The following SDK1 variants were observed in gnomAD, a reference collection of about 807,000 sequenced individuals.
SDK1 encodes sidekick cell adhesion molecule 1.
In SDK1, 157 loss-of-function variants were observed where a neutral mutation model predicts 245.5. That is an observed-to-expected ratio of 0.64 (90% CI 0.56 to 0.73). The LOEUF is 0.73. Among genes scored for constraint, SDK1 ranks in the 30% least tolerant of loss-of-function variants. The probability of loss-of-function intolerance (pLI) is 0.00; values close to 1 mark genes in which losing one functional copy is unlikely to be tolerated. For synonymous variants in SDK1, 1,647 were observed against 1,278.5 expected, an observed-to-expected ratio of 1.29 and a Z score of -6.15; for missense variants, 3,583 against 3,002.3, an observed-to-expected ratio of 1.19 and a Z score of -4.52.
At chr7:3,597,499 C>A (rs1270621516) in intron 1 of SDK1, among the ~76,000 whole-genome samples, 1 of 152,064 alleles carries the variant, frequency 6.6e-6, no homozygotes, top group Non-Finnish European at 1.5e-5. Flanking sequence ...GGGGAGGCCA[C>A]CTGTTGGTTA....
At chr7:3,518,654 G>T (rs1255060596) in intron 1 of SDK1, among the ~76,000 whole-genome samples, 1 of 151,900 alleles carries the variant, frequency 6.6e-6, no homozygotes, top group Non-Finnish European at 1.5e-5. Flanking sequence ...CAGATAGGAT[G>T]GCCATTATTA....
At chr7:3,666,693 G>C (rs552019800) in intron 4 of SDK1, among the ~76,000 whole-genome samples, 61 of 152,018 alleles carry the variant, frequency 4.0e-4, no homozygotes, top group African/African-American at 1.4e-3. Context: ...TAAATTAATT[G>C]TTTTATGCCT....
Position 4,145,850 on chromosome 7 carries a change from T to C in SDK1, c.4357T>C (p.Ser1453Pro). 1 of 1,613,528 alleles carries C rather than the reference T, an allele frequency of 6.2e-7. No homozygotes were observed. Among genetic ancestry groups the C allele is most frequent in the Non-Finnish European group, 8.5e-7 (1 of 1,179,894 alleles). ...GGAGTCCGCATACATCTTCAGGCTG[T>C]CCGCCAAGACGAGGCAGGGCTGGGG... ...APESAYIFRL[S>P]AKTRQGWGEP... is the part of the protein sequence containing the mutation. Residue 1453 changes from serine to proline, a missense_variant, in exon 29 of 45, where the codon TCC becomes CCC. Transcript: ENST00000404826.
intron 25 of SDK1, among the ~76,000 whole-genome samples, chr7:4,123,852 A>G (rs1022342825): frequency 6.6e-6 from 1 of 152,244 alleles, no homozygotes; most frequent in African/African-American, 2.4e-5. Flanking sequence ...GAAGGTGCTC[A>G]GCATGGTAGG....
chr7:3,442,318 C>T (rs1042169803), intron 1 of SDK1, among the ~76,000 whole-genome samples: 3 of 152,114 alleles, frequency 2.0e-5, no homozygotes, highest in Admixed American at 6.5e-5. Flanking sequence ...AGGTTCAACT[C>T]GTGTATGTGT....
At chr7:3,398,335 AT>A in intron 1 of SDK1, among the ~76,000 whole-genome samples, 1 of 152,238 alleles carries the variant, frequency 6.6e-6, no homozygotes, top group African/African-American at 2.4e-5. Flanking sequence ...GAGAGGAAAC[AT>A]TCTATAATCT....
At chr7:4,115,136 C>T (rs1429294902) in intron 25 of SDK1, among the ~76,000 whole-genome samples, 2 of 152,174 alleles carry the variant, frequency 1.3e-5, no homozygotes, top group African/African-American at 4.8e-5. Context: ...GCAATTAACG[C>T]TCATGAAGGA....
chr7:3,890,689 C>T (rs867578771), intron 5 of SDK1, among the ~76,000 whole-genome samples: 3 of 151,884 alleles, frequency 2.0e-5, no homozygotes, highest in Middle Eastern at 6.8e-3. Flanking sequence ...TGCCTGTAAT[C>T]CCAGCACTTT....
intron 1 of SDK1, among the ~76,000 whole-genome samples, chr7:3,403,610 A>T (rs1043295297): frequency 6.6e-6 from 1 of 151,538 alleles, no homozygotes; most frequent in African/African-American, 2.4e-5. Flanking sequence ...AGTAAAGAGT[A>T]AAGAGAGCAC....
chr7:4,103,167 A>AT (rs1463720200), intron 22 of SDK1, among the ~76,000 whole-genome samples: 1 of 150,512 alleles, frequency 6.6e-6, no homozygotes, highest in Non-Finnish European at 1.5e-5. Context: ...CGTCCAGAGA[A>AT]TTTTTTGTAT....
At chr7:3,964,572 A>C (rs1289797725) in intron 9 of SDK1, among the ~76,000 whole-genome samples, 2 of 152,128 alleles carry the variant, frequency 1.3e-5, no homozygotes, top group Non-Finnish European at 2.9e-5. Context: ...TCTGTCTTTG[A>C]AAAATAAACT....
intron 4 of SDK1, among the ~76,000 whole-genome samples, chr7:3,805,960 T>C (rs531777358): frequency 6.6e-6 from 1 of 152,284 alleles, no homozygotes; most frequent in African/African-American, 2.4e-5. Flanking sequence ...ATTCTAGTTT[T>C]CGTGCTTCTC....
intron 4 of SDK1, among the ~76,000 whole-genome samples, chr7:3,768,363 G>A (rs895641565): frequency 6.6e-6 from 1 of 152,156 alleles, no homozygotes; most frequent in African/African-American, 2.4e-5. Flanking sequence ...AAATACAGCC[G>A]ATTGAGCATG....
At chr7:4,153,511 G>C (rs1353655443) in intron 30 of SDK1, among the ~76,000 whole-genome samples, 1 of 152,170 alleles carries the variant, frequency 6.6e-6, no homozygotes, top group African/African-American at 2.4e-5. Context: ...GCTTGAACCT[G>C]AGCGGCGGAG....
At chr7:3,732,856 T>G (rs1779218355) in intron 4 of SDK1, among the ~76,000 whole-genome samples, 1 of 152,218 alleles carries the variant, frequency 6.6e-6, no homozygotes, top group Admixed American at 6.5e-5. Flanking sequence ...ATTATCTTTC[T>G]GTGTTATTCT....
chr7:3,514,882 G>GCT (rs1044158414), intron 1 of SDK1, among the ~76,000 whole-genome samples: 1 of 152,010 alleles, frequency 6.6e-6, no homozygotes, highest in Non-Finnish European at 1.5e-5. Context: ...GCATGCGTGC[G>GCT]CTCTCTCTCT....
In SDK1 at chr7:3,951,931, A is replaced by C; in HGVS notation, c.1150+11A>C. 6.2e-7 allele frequency: 1 copy of C among 1,609,456 alleles called. No individual in the cohort carries two copies. The highest frequency in any genetic ancestry group is 8.5e-7 in the Non-Finnish European group (1 of 1,179,056). Reference sequence around the variant, plus strand: ...TTCTTTTCATCATAGGTAATGCGGGAGCCTCTAAGTGGTGTTGCCAGCATC... The same window carrying C: ...TTCTTTTCATCATAGGTAATGCGGGCGCCTCTAAGTGGTGTTGCCAGCATC... On this transcript the variant is annotated intron_variant, in intron 7 of 44. Transcript: ENST00000404826.
intron 4 of SDK1, among the ~76,000 whole-genome samples, chr7:3,672,069 G>A (rs1459892819): frequency 2.0e-5 from 3 of 152,108 alleles, no homozygotes; most frequent in African/African-American, 7.2e-5. Context: ...TCCATGATAT[G>A]GGACACAGGG....
chr7:4,054,310 G>T (rs552565171), intron 19 of SDK1, among the ~76,000 whole-genome samples: 1 of 152,152 alleles, frequency 6.6e-6, no homozygotes. Context: ...TATTGAGACC[G>T]TGTACATTTA....
Sources: allele counts gnomAD v4.1 joint callset (sites outside exome capture counted in the v4.1 genomes callset), GRCh38; gene constraint gnomAD v4.1.1; transcripts MANE v1.5; gene names NCBI Gene and HGNC (gene_info 2026-07-23, HGNC 2026-07-21).